Variants in ACIN1 observed in about 807,000 individuals in gnomAD.
ACIN1 encodes apoptotic chromatin condensation inducer 1.
A neutral mutation model predicts 146.6 loss-of-function variants in ACIN1; 16 were observed. That is an observed-to-expected ratio of 0.11 (90% confidence interval 0.07 to 0.17). The LOEUF is 0.17. ACIN1 is among the 10% of genes least tolerant of loss of function. ACIN1 has a pLI of 1.00. For missense variants in ACIN1, 1,357 were observed against 1,609.3 expected, an observed-to-expected ratio of 0.84 and a Z score of 2.68; for synonymous variants, 569 against 582.7, an observed-to-expected ratio of 0.98 and a Z score of 0.34.
In ACIN1 at chr14:23,068,944, GTCACAGGTAACTGAGAA is replaced by G; in HGVS notation, c.2265+515_2265+531del. Reference sequence around the variant, plus strand: ...ATATGCCAAAAAAGGAGGTAGAGGGGTCACAGGTAACTGAGAATGGGCCTTCCGGATCACAAGTGCTG... The same window carrying G: ...ATATGCCAAAAAAGGAGGTAGAGGGGTGGGCCTTCCGGATCACAAGTGCTG... On this transcript the variant is annotated intron_variant, in intron 9 of 18. Coordinates refer to ENST00000605057, the MANE Select transcript of ACIN1 (RefSeq NM_001386863.1). This position sits in a 1 kb window ranked among gnomAD's most constrained non-coding sequence, Gnocchi z 4.3. 9.1e-6 allele frequency: 9 copies of G among 985,580 alleles called. No individual in the cohort carries two copies. The highest frequency in any genetic ancestry group is 1.1e-5 in the Non-Finnish European group (9 of 830,060). 61.1% of individuals were successfully genotyped at this position (985,580 alleles called of 1,614,324 possible). A position where few individuals can be genotyped will look rare whatever the true frequency, so the allele number is the denominator to read the frequency against.
At chr14:23,088,714 T>C (rs928567815) in intron 4 of ACIN1, among the ~76,000 whole-genome samples, 1 of 152,244 alleles carries the variant, frequency 6.6e-6, no homozygotes, top group African/African-American at 2.4e-5. Context: ...GTACTAACAA[T>C]CCACATGTCT....
intron 5 of ACIN1, 57 bp downstream of exon 5, chr14:23,081,686 AAGAAG>A: frequency 6.4e-6 from 9 of 1,398,106 alleles, no homozygotes; most frequent in Non-Finnish European, 8.9e-6. Context: ...AACAAGTCTG[AAGAAG>A]AGAAGATATC....
chr14:23,071,289 CA>C (rs2047640544), intron 8 of ACIN1: 1 of 1,499,962 alleles, frequency 6.7e-7, no homozygotes, highest in Admixed American at 2.5e-5. Context: ...ACCTCCTCCC[CA>C]GCCACCCGAT....
chr14:23,084,461 T>G (rs1313996713), intron 4 of ACIN1, among the ~76,000 whole-genome samples: 2 of 151,956 alleles, frequency 1.3e-5, no homozygotes, highest in East Asian at 3.9e-4. Flanking sequence ...AAAAAAAATT[T>G]TAGCTGGGCG....
chr14:23,062,753 C>T, intron 14 of ACIN1, 176 bp downstream of exon 14: 2 of 902,122 alleles, frequency 2.2e-6, no homozygotes, highest in Middle Eastern at 3.3e-4. Context: ...TGCAGGGCAA[C>T]AGCTTTTCCC....
chr14:23,061,304 TCTCA>T lies in ACIN1; in HGVS notation c.3414_3417del (p.Ser1138ArgfsTer33). ...CCCATAGCTAAGTACCTACCTTTCT[TCTCA>T]CTCTTCTTTTCTTTAGACTTCGCAC... On this transcript the variant is annotated frameshift_variant, in exon 17 of 19. Transcript: ENST00000605057. LOFTEE classifies it high-confidence loss of function. 6.2e-7 allele frequency: 1 copy of T among 1,613,814 alleles called. No individual in the cohort carries two copies. Among genetic ancestry groups the T allele is most frequent in the Non-Finnish European group, 8.5e-7 (1 of 1,179,766 alleles).
intron 13 of ACIN1, 81 bp from the exon 14 acceptor site, chr14:23,063,155 CCTTT>C: frequency 6.9e-7 from 1 of 1,443,862 alleles, no homozygotes; most frequent in Non-Finnish European, 9.4e-7. Context: ...CTCACGGTTC[CCTTT>C]CTTTTATACC....
At position 23,079,099 on chromosome 14, in the gene ACIN1, T is replaced by C. The variant is rs187338876; in HGVS notation, c.1789-61A>G. 2.2e-4 allele frequency: 323 copies of C among 1,489,190 alleles called. 3 individuals are homozygous for C. In the East Asian group the frequency reaches 7.3e-3, roughly 34 times the overall value. The allele number at this position is 1,489,190 out of a possible 1,614,324, so 92.2% of individuals were successfully genotyped here. A position where few individuals can be genotyped will look rare whatever the true frequency, so the allele number is the denominator to read the frequency against. ...TTGTATATGGTATATATTCAGTAGATTGCTGAGTTTTCCAGTTTCCATGGA... is the reference window on the plus strand; with the variant it reads ...TTGTATATGGTATATATTCAGTAGACTGCTGAGTTTTCCAGTTTCCATGGA... On this transcript the variant is annotated intron_variant, in intron 6 of 18. Transcript: ENST00000605057.
At chr14:23,090,712 G>A in intron 2 of ACIN1, 79 bp from the exon 3 acceptor site, 7 of 1,104,984 alleles carry the variant, frequency 6.3e-6, no homozygotes, top group South Asian at 1.4e-5. Context: ...ATGGAGCAAA[G>A]GTCCACTCCT....
intron 6 of ACIN1, 36 bp from the exon 7 acceptor site, chr14:23,079,074 T>C (rs765609314): frequency 2.5e-6 from 4 of 1,583,736 alleles, no homozygotes; most frequent in East Asian, 2.3e-5. Context: ...AGGAAAATTA[T>C]TGTATATGGT....
chr14:23,067,749 A>G lies in ACIN1; in HGVS notation c.2265+1727T>C. 1.0e-6 allele frequency: 1 copy of G among 985,760 alleles called. No individual in the cohort carries two copies. The highest frequency in any genetic ancestry group is 1.2e-6 in the Non-Finnish European group (1 of 829,962). The allele number at this position is 985,760 out of a possible 1,614,324, so 61.1% of individuals were successfully genotyped here. On this transcript the variant is annotated intron_variant, in intron 9 of 18. Coordinates refer to ENST00000605057, the MANE Select transcript of ACIN1 (RefSeq NM_001386863.1). This position sits in a 1 kb window ranked among gnomAD's most constrained non-coding sequence, Gnocchi z 4.6. The stretch of plus-strand genomic sequence containing the variant: ...ACCAGTGGCAAGCTGCAGCAATAAC[A>G]CCACCCAATACTTGGAATCCAGGTG...
intron 8 of ACIN1, chr14:23,076,551 G>A (rs1200071498): frequency 1.3e-5 from 2 of 152,176 alleles, no homozygotes; most frequent in Non-Finnish European, 2.9e-5. Flanking sequence ...AAAAAAAGCT[G>A]CTTCAAAACA....
At chr14:23,075,497 T>G (rs1158344952) in intron 8 of ACIN1, among the ~76,000 whole-genome samples, 1 of 152,048 alleles carries the variant, frequency 6.6e-6, no homozygotes, top group Non-Finnish European at 1.5e-5. Context: ...ACACCTTACC[T>G]CATAAATTTA....
rs2047444950 is a variant in ACIN1 at position 23,066,063 on chromosome 14, A to AG, written c.2266-56dup. The AG allele has an allele frequency of 3.3e-6, 5 of 1,497,700 alleles. 1 individual carries two copies. The highest frequency in any genetic ancestry group is 2.3e-5 in the South Asian group (2 of 88,158). The allele number at this position is 1,497,700 out of a possible 1,614,324, so 92.8% of individuals were successfully genotyped here. On this transcript the variant is annotated intron_variant, in intron 9 of 18. Coordinates refer to ENST00000605057, the MANE Select transcript of ACIN1 (RefSeq NM_001386863.1). ...AGAGAAAGAGAGACACCCCACAGAG[A>AG]GGGGGGAAGGAGGTTAGATGGGGCA...
chr14:23,066,138 A>G, intron 9 of ACIN1, 130 bp from the exon 10 acceptor site: 1 of 683,452 alleles, frequency 1.5e-6, no homozygotes, highest in Non-Finnish European at 2.5e-6. Flanking sequence ...AGAGAGACAG[A>G]GAGAGACACA....
At chr14:23,082,894 C>CTGCTAAAAA (rs2047984578) in intron 4 of ACIN1, among the ~76,000 whole-genome samples, 1 of 152,046 alleles carries the variant, frequency 6.6e-6, no homozygotes, top group Non-Finnish European at 1.5e-5. Flanking sequence ...CGCACGCCAC[C>CTGCTAAAAA]ATACCTGGCT....
intron 18 of ACIN1, among the ~76,000 whole-genome samples, chr14:23,060,508 C>CTT (rs57052013): frequency 4.9e-5 from 7 of 143,464 alleles, no homozygotes; most frequent in Admixed American, 1.4e-4. Flanking sequence ...CAATCAAGTT[C>CTT]TTTTTTTTTT....
chr14:23,078,994 A>C lies in ACIN1; in HGVS notation c.1833T>G (p.Thr611=). The change falls in exon 7 of 19, where the codon ACT becomes ACG. Residue 611 remains threonine (T), a synonymous_variant. Coordinates refer to ENST00000605057, the MANE Select transcript of ACIN1 (RefSeq NM_001386863.1). ...GACCAGAAGAGGGATCTTTGGTTTC[A>C]GTATAGCTGGTGCTGCTGTCCCTGG... ...GVSRDSSTSY[T]ETKDPSSGQE... The C allele has an allele frequency of 6.2e-7, 1 of 1,614,230 alleles. No homozygotes were observed. The highest frequency in any genetic ancestry group is 8.5e-7 in the Non-Finnish European group (1 of 1,180,036).
At position 23,087,718 on chromosome 14, in the gene ACIN1, C is replaced by T. The variant is rs184670509; in HGVS notation, c.436+2264G>A. ...TTACCTATAGAACTAAAAAAAAAAC[C>T]CTCATACTTACTGGCCTGGCATTTA... On this transcript the variant is annotated intron_variant, in intron 4 of 18. Transcript: ENST00000605057. 1.6e-3 allele frequency among the ~76,000 whole-genome samples: 243 copies of T among 151,962 alleles called. 1 individual carries two copies. Among genetic ancestry groups the T allele is most frequent in the African/African-American group, 5.5e-3 (228 of 41,474 alleles).
Sources: allele counts gnomAD v4.1 joint callset (sites outside exome capture counted in the v4.1 genomes callset), GRCh38; gene constraint gnomAD v4.1.1; non-coding constraint Gnocchi (gnomAD v3.1); transcripts MANE v1.5; gene names NCBI Gene and HGNC (gene_info 2026-07-23, HGNC 2026-07-21).